The following KCTD16 variants were observed in gnomAD, a reference collection of about 807,000 sequenced individuals.
The protein encoded by KCTD16 is BTB/POZ domain-containing protein KCTD16.
Under a neutral mutation model 33.2 loss-of-function variants are expected in KCTD16, and 13 were observed. The observed-to-expected ratio is 0.39, with a 90% CI of 0.25 to 0.62. KCTD16 has a LOEUF of 0.62. Among genes scored for constraint, KCTD16 ranks in the 20% least tolerant of loss-of-function variants. The pLI is 0.50. For synonymous variants in KCTD16, 197 were observed against 195.3 expected, an observed-to-expected ratio of 1.01 and a Z score of -0.07; for missense variants, 441 against 525.1, an observed-to-expected ratio of 0.84 and a Z score of 1.57.
intron 3 of KCTD16, among the ~76,000 whole-genome samples, chr5:144,403,102 G>A (rs1752738610): frequency 1.3e-5 from 2 of 152,106 alleles, no homozygotes; most frequent in Non-Finnish European, 1.5e-5. Flanking sequence ...TCCCTCTTGG[G>A]TTCTTGTGAT....
intron 3 of KCTD16, among the ~76,000 whole-genome samples, chr5:144,342,209 A>G (rs1002938769): frequency 2.0e-5 from 3 of 152,204 alleles, no homozygotes; most frequent in African/African-American, 7.2e-5. Context: ...ACCCATGAGC[A>G]TGGAATGTTC....
chr5:144,245,815 A>G (rs1754533910), intron 3 of KCTD16, among the ~76,000 whole-genome samples: 1 of 152,162 alleles, frequency 6.6e-6, no homozygotes, highest in African/African-American at 2.4e-5. Flanking sequence ...ACCTTCTGCC[A>G]TGACTGTAAA....
At chr5:144,421,245 CAA>C (rs1377312887) in intron 3 of KCTD16, among the ~76,000 whole-genome samples, 1 of 152,080 alleles carries the variant, frequency 6.6e-6, no homozygotes. Flanking sequence ...AAACAAAAAA[CAA>C]AAGACAATCT....
At chr5:144,207,799 T>C (rs1162911117) in intron 3 of KCTD16, among the ~76,000 whole-genome samples, 5 of 152,266 alleles carry the variant, frequency 3.3e-5, no homozygotes, top group Non-Finnish European at 5.9e-5. Flanking sequence ...ATATGCAATA[T>C]GTAAAATGGA....
At chr5:144,338,037 C>T (rs182815383) in intron 3 of KCTD16, among the ~76,000 whole-genome samples, 45 of 152,216 alleles carry the variant, frequency 3.0e-4, no homozygotes, top group Non-Finnish European at 5.4e-4. Flanking sequence ...AGGAGTATAA[C>T]GTCAGAGGGC....
chr5:144,371,402 C>A (rs566752889), intron 3 of KCTD16, among the ~76,000 whole-genome samples: 1 of 152,124 alleles, frequency 6.6e-6, no homozygotes, highest in Non-Finnish European at 1.5e-5. Flanking sequence ...TCATTCAAGA[C>A]TGTTTTGGGA....
intron 3 of KCTD16, among the ~76,000 whole-genome samples, chr5:144,230,728 A>G (rs1201745335): frequency 6.6e-6 from 1 of 152,206 alleles, no homozygotes; most frequent in African/African-American, 2.4e-5. Flanking sequence ...GAACACTTTT[A>G]TAATATGGAA....
intron 3 of KCTD16, among the ~76,000 whole-genome samples, chr5:144,227,935 A>T (rs1037621347): frequency 1.3e-5 from 2 of 152,228 alleles, no homozygotes; most frequent in African/African-American, 4.8e-5. Context: ...AAGAAACCTG[A>T]GGAAAGATTG....
intron 3 of KCTD16, among the ~76,000 whole-genome samples, chr5:144,230,658 C>T (rs1754075242): frequency 6.6e-6 from 1 of 151,566 alleles, no homozygotes; most frequent in Non-Finnish European, 1.5e-5. Context: ...TATGGTTTGC[C>T]TTATGCAGCA....
intron 3 of KCTD16, among the ~76,000 whole-genome samples, chr5:144,235,472 T>C (rs964534695): frequency 6.6e-6 from 1 of 152,068 alleles, no homozygotes; most frequent in Non-Finnish European, 1.5e-5. Flanking sequence ...ACCATGCATT[T>C]CTTGCTTGAC....
In KCTD16 at chr5:144,206,371, T is replaced by G. The variant is rs562172900; in HGVS notation, c.-326-18T>G. On this transcript the variant is annotated intron_variant, in intron 2 of 3. Coordinates refer to ENST00000512467, the MANE Select transcript of KCTD16 (RefSeq NM_020768.4). Reference sequence around the variant, plus strand: ...TCATTCCAGGTTTGAGGAAATAATTTTTTCTCTTTTCCTTCAGACGGACAT... The same window carrying G: ...TCATTCCAGGTTTGAGGAAATAATTGTTTCTCTTTTCCTTCAGACGGACAT... 4.9e-6 allele frequency: 1 copy of G among 205,566 alleles called. No homozygotes were observed. Among genetic ancestry groups the G allele is most frequent in the South Asian group, 1.6e-4 (1 of 6,332 alleles). 12.7% of individuals were successfully genotyped at this position (205,566 alleles called of 1,614,324 possible).
In KCTD16 at chr5:144,483,849, A is replaced by G. The variant is rs1425667574; in HGVS notation, c.*9735A>G. On this transcript the variant is annotated 3_prime_UTR_variant, in exon 4 of 4. Coordinates refer to ENST00000512467, the MANE Select transcript of KCTD16 (RefSeq NM_020768.4). ...AACAGAAGCACTTGTAAACTAATTA[A>G]GCACGGTCACTGAATCCTTTTTTCA... 1.3e-5 allele frequency: 2 copies of G among 151,944 alleles called. No individual in the cohort carries two copies. Among genetic ancestry groups the G allele is most frequent in the Non-Finnish European group, 2.9e-5 (2 of 67,928 alleles). The allele number at this position is 151,944 out of a possible 1,614,324, so 9.4% of individuals were successfully genotyped here. A position where few individuals can be genotyped will look rare whatever the true frequency, so the allele number is the denominator to read the frequency against.
chr5:144,471,639 C>T (rs997703030), intron 3 of KCTD16, among the ~76,000 whole-genome samples: 1 of 152,182 alleles, frequency 6.6e-6, no homozygotes, highest in African/African-American at 2.4e-5. Context: ...AAATGATCCC[C>T]TCAAAATGTA....
intron 3 of KCTD16, among the ~76,000 whole-genome samples, chr5:144,313,847 T>A (rs1172220124): frequency 6.6e-6 from 1 of 152,198 alleles, no homozygotes; most frequent in Non-Finnish European, 1.5e-5. Context: ...TTAGTAGTAG[T>A]AATAGTACTT....
chr5:144,369,117 G>T (rs1751905975), intron 3 of KCTD16, among the ~76,000 whole-genome samples: 1 of 152,092 alleles, frequency 6.6e-6, no homozygotes, highest in Non-Finnish European at 1.5e-5. Flanking sequence ...GAGCCAGACA[G>T]CAGCTCTGCA....
intron 2 of KCTD16, among the ~76,000 whole-genome samples, chr5:144,202,195 T>G (rs1753058901): frequency 6.6e-6 from 1 of 152,094 alleles, no homozygotes. Context: ...AGTCCGGGAG[T>G]GCCATCCCAC....
chr5:144,392,214 A>G (rs1752465321), intron 3 of KCTD16, among the ~76,000 whole-genome samples: 1 of 152,184 alleles, frequency 6.6e-6, no homozygotes, highest in Non-Finnish European at 1.5e-5. Context: ...AATCAGGAGC[A>G]ATGCAGGGGG....
intron 3 of KCTD16, among the ~76,000 whole-genome samples, chr5:144,274,858 T>G (rs1755398464): frequency 6.6e-6 from 1 of 152,188 alleles, no homozygotes; most frequent in African/African-American, 2.4e-5. Flanking sequence ...TTCCTTTCTC[T>G]TTTGGACTTT....
chr5:144,242,202 A>G (rs1754422225), intron 3 of KCTD16, among the ~76,000 whole-genome samples: 1 of 152,106 alleles, frequency 6.6e-6, no homozygotes, highest in Non-Finnish European at 1.5e-5. Flanking sequence ...TTTTAAGTCC[A>G]AGAACTCCTT....
Sources: allele counts gnomAD v4.1 joint callset (sites outside exome capture counted in the v4.1 genomes callset), GRCh38; gene constraint gnomAD v4.1.1; transcripts MANE v1.5; gene names NCBI Gene and HGNC (gene_info 2026-07-23, HGNC 2026-07-21).